SVOP: variants seen among roughly 807,000 people sequenced by gnomAD.
SVOP encodes SV2 related protein.
Under a neutral mutation model 69.1 loss-of-function variants are expected in SVOP, and 17 were observed. The ratio of observed to expected loss-of-function variants is 0.25; its 90% confidence interval spans 0.17 to 0.37. SVOP has a LOEUF of 0.37. Among genes scored for constraint, SVOP ranks in the 10% least tolerant of loss-of-function variants. The pLI, the probability that SVOP is intolerant of heterozygous loss-of-function variation, is 1.00. For synonymous variants in SVOP, 238 were observed against 238.6 expected (o/e 1.00, Z 0.02); for missense variants, 435 against 597.5 (o/e 0.73, Z 2.84).
intron 5 of SVOP, among the ~76,000 whole-genome samples, chr12:108,963,433 G>A (rs1178972925): frequency 6.6e-6 from 1 of 152,006 alleles, no homozygotes; most frequent in Non-Finnish European, 1.5e-5. Context: ...TTATGATTAT[G>A]TCAAAGAGTC....
At chr12:109,008,172 C>T (rs531068391) in intron 1 of SVOP, among the ~76,000 whole-genome samples, 6 of 152,292 alleles carry the variant, frequency 3.9e-5, no homozygotes, top group South Asian at 2.1e-4. Context: ...ATGATCTTAA[C>T]CAGTCAGCCA....
chr12:108,921,772 G>T (rs2039749611), intron 12 of SVOP, among the ~76,000 whole-genome samples: 1 of 152,132 alleles, frequency 6.6e-6, no homozygotes, highest in Non-Finnish European at 1.5e-5. Context: ...TGCGGGAACA[G>T]TTTCTGCTAC....
chr12:108,956,163 G>T (rs1009453606), intron 6 of SVOP, among the ~76,000 whole-genome samples: 1 of 151,968 alleles, frequency 6.6e-6, no homozygotes, highest in Non-Finnish European at 1.5e-5. Context: ...TTAGCTGGGC[G>T]TGGTGTCAGG....
chr12:108,988,021 A>G (rs2040175681), intron 1 of SVOP, among the ~76,000 whole-genome samples: 1 of 152,126 alleles, frequency 6.6e-6, no homozygotes, highest in Non-Finnish European at 1.5e-5. Flanking sequence ...TCCTGGGCTC[A>G]GGTGCTCCTC....
At chr12:108,998,680 T>G (rs1165465345) in intron 1 of SVOP, among the ~76,000 whole-genome samples, 1 of 152,042 alleles carries the variant, frequency 6.6e-6, no homozygotes, top group African/African-American at 2.4e-5. Flanking sequence ...GAAAAGAATT[T>G]TCAACCTAGA....
chr12:108,975,795 G>A (rs897921439), intron 4 of SVOP, among the ~76,000 whole-genome samples: 3 of 152,018 alleles, frequency 2.0e-5, no homozygotes, highest in Non-Finnish European at 2.9e-5. Flanking sequence ...TCAGCCTCCC[G>A]GGTTCAAGTG....
rs545942134 is a variant in SVOP, at chr12:108,934,055, T to C, written c.1048+140A>G. ...ATCGCGACAAGACTGTCCAGGTTTC[T>C]ACAGAGTGTCTTGGAAACCACAGAA... On this transcript the variant is annotated intron_variant, in intron 11 of 15. Coordinates refer to ENST00000610966, the MANE Select transcript of SVOP (RefSeq NM_018711.5). 69 of 670,068 alleles carry C rather than the reference T, an allele frequency of 1.0e-4. 1 individual carries two copies. In the East Asian group the frequency reaches 1.9e-3, roughly 18 times the overall value. The allele number at this position is 670,068 out of a possible 1,614,324, so 41.5% of individuals were successfully genotyped here.
At chr12:108,984,736 C>A (rs942726593) in intron 1 of SVOP, among the ~76,000 whole-genome samples, 27 of 152,258 alleles carry the variant, frequency 1.8e-4, no homozygotes, top group African/African-American at 5.1e-4. Context: ...GACTCCGGGG[C>A]AAAATTACCT....
At chr12:109,002,651 C>T (rs1394594244) in intron 1 of SVOP, among the ~76,000 whole-genome samples, 8 of 151,688 alleles carry the variant, frequency 5.3e-5, no homozygotes, top group Non-Finnish European at 1.0e-4. Flanking sequence ...AGTTCATGTC[C>T]TTTGTAGGGA....
chr12:108,918,782 T>A (rs949932922), intron 13 of SVOP, among the ~76,000 whole-genome samples: 3 of 152,194 alleles, frequency 2.0e-5, no homozygotes, highest in African/African-American at 7.2e-5. Flanking sequence ...TTAACATATA[T>A]ATAAATAGCT....
At chr12:109,001,495 T>C (rs1467054235) in intron 1 of SVOP, among the ~76,000 whole-genome samples, 10 of 144,656 alleles carry the variant, frequency 6.9e-5, no homozygotes, top group East Asian at 2.1e-4. Context: ...GAGCCCGCAT[T>C]GCCAAGTCAA....
chr12:108,942,941 T>G (rs1295450993), intron 7 of SVOP, among the ~76,000 whole-genome samples: 3 of 152,092 alleles, frequency 2.0e-5, no homozygotes, highest in Non-Finnish European at 2.9e-5. Flanking sequence ...ATTTTTTTTG[T>G]TGAGATGGAG....
intron 13 of SVOP, among the ~76,000 whole-genome samples, chr12:108,918,816 T>A (rs935318659): frequency 1.3e-5 from 2 of 152,176 alleles, no homozygotes; most frequent in African/African-American, 2.4e-5. Flanking sequence ...CATTGGGAGA[T>A]GATATCAAAA....
At chr12:108,939,083 C>T (rs946182777) in intron 8 of SVOP, 128 bp from the exon 9 acceptor site, 2 of 1,301,950 alleles carry the variant, frequency 1.5e-6, no homozygotes, top group African/African-American at 2.9e-5. Flanking sequence ...GAGCTGACTT[C>T]AAATCCTGGC....
chr12:108,922,822 G>T (rs189843022), intron 11 of SVOP, 25 bp from the exon 12 acceptor site: 9 of 1,521,784 alleles, frequency 5.9e-6, no homozygotes, highest in South Asian at 3.5e-5. Context: ...GAGAAAGAGA[G>T]GGGGAGACAT....
chr12:108,966,149 T>A (rs1170257034), intron 5 of SVOP, among the ~76,000 whole-genome samples: 1 of 152,116 alleles, frequency 6.6e-6, no homozygotes, highest in Non-Finnish European at 1.5e-5. Flanking sequence ...CACAGTCACA[T>A]GCCATCATGC....
chr12:109,019,444 A>G (rs948197560), intron 1 of SVOP, among the ~76,000 whole-genome samples: 4 of 152,176 alleles, frequency 2.6e-5, no homozygotes, highest in African/African-American at 9.6e-5. Context: ...CAGGAAAACC[A>G]CAGTTCCAAT....
At chr12:108,913,077 T>G (rs1190521106) in intron 15 of SVOP, among the ~76,000 whole-genome samples, 1 of 152,178 alleles carries the variant, frequency 6.6e-6, no homozygotes, top group Non-Finnish European at 1.5e-5. Context: ...TTTTTTGTTT[T>G]TTTTGTTTTT....
chr12:108,994,985 T>A (rs897682962), intron 1 of SVOP, among the ~76,000 whole-genome samples: 2 of 151,594 alleles, frequency 1.3e-5, no homozygotes, highest in Admixed American at 6.6e-5. Context: ...CAACAAAAAA[T>A]TTTTAAAAAA....
Sources: gnomAD v4.1 joint callset for allele counts (sites outside exome capture counted in the v4.1 genomes callset) on GRCh38, gnomAD v4.1.1 for gene constraint, MANE v1.5 for transcripts, NCBI Gene and HGNC (gene_info 2026-07-23, HGNC 2026-07-21) for gene names.